Variants in CSPG4 observed in about 807,000 individuals in gnomAD.
CSPG4 encodes the protein chondroitin sulfate proteoglycan 4 (melanoma-associated).
CSPG4 carries 74 observed loss-of-function variants against 139.3 expected under a neutral mutation model. The ratio of observed to expected loss-of-function variants is 0.53; its 90% CI spans 0.44 to 0.64. The LOEUF (loss-of-function observed/expected upper bound fraction) is 0.64. CSPG4 is among the 30% of genes least tolerant of loss of function. The pLI, the probability that CSPG4 is intolerant of heterozygous loss-of-function variation, is 0.00. For synonymous variants in CSPG4, 1,234 were observed against 1,394.2 expected, an observed-to-expected ratio of 0.89 and a Z score of 2.56; for missense variants, 2,565 against 3,148.3, an observed-to-expected ratio of 0.81 and a Z score of 4.43.
chr15:75,702,795 G>T (rs1596013323), intron 1 of CSPG4, among the ~76,000 whole-genome samples: 2 of 152,254 alleles, frequency 1.3e-5, no homozygotes, highest in East Asian at 3.9e-4. Flanking sequence ...CCTATTTATA[G>T]CCGGAGGCCA....
chr15:75,677,437 G>A (rs1006788412), intron 9 of CSPG4, 53 bp from the exon 10 acceptor site: 19 of 1,397,330 alleles, frequency 1.4e-5, no homozygotes, highest in Admixed American at 3.4e-5. Flanking sequence ...GGAGAGTGAT[G>A]GACCCTCAGC....
chr15:75,677,873 T>C lies in CSPG4; in HGVS notation c.4964A>G (p.Asn1655Ser), dbSNP rs2141421479. Residue 1655 changes from asparagine (N) to serine (S), a missense_variant, in exon 9 of 10, where the codon AAT (asparagine) becomes AGT (serine). Asn to Ser is a conservative substitution (Grantham distance 46, BLOSUM62 1). Transcript: ENST00000308508. ...NFTQAEVYAG[N>S]ILYEHEMPPE... ...GGGCATCTCATGCTCATACAGAATA[T>C]TCCCAGCGTAGACCTAGGGGAGACA... 5 of 1,610,318 alleles carry C rather than the reference T, an allele frequency of 3.1e-6. No homozygotes were observed. Among genetic ancestry groups the C allele is most frequent in the South Asian group, 1.1e-5 (1 of 90,790 alleles).
Position 75,701,497 on chromosome 15 carries a change from T to G in CSPG4, c.89-8264A>C, listed in dbSNP as rs1259504133. On this transcript the variant is annotated intron_variant, in intron 1 of 9. Coordinates refer to ENST00000308508, the MANE Select transcript of CSPG4 (RefSeq NM_001897.5). ...CATCAGAGATCCCGAGACTGAGACC[T>G]CTCTTCCTGGGCAGGCCTGACTCCT... Among the ~76,000 whole-genome samples, 3 of 151,996 alleles carry G rather than the reference T, an allele frequency of 2.0e-5. No individual in the cohort carries two copies. In the South Asian group the frequency reaches 6.2e-4, roughly 32 times the overall value.
chr15:75,676,073 T>C lies in CSPG4; in HGVS notation c.6446A>G (p.Gln2149Arg), dbSNP rs1343550687. ...GGAGGCCACAGCAGGCGGGACGCCCTGTGCCCACAGCTCCAGAGTGAGACT... is the reference window on the plus strand; with the variant it reads ...GGAGGCCACAGCAGGCGGGACGCCCCGTGCCCACAGCTCCAGAGTGAGACT... ...GDSLTLELWA[Q>R]GVPPAVASLD... Residue 2149 changes from glutamine to arginine, a missense_variant, in exon 10 of 10, where the codon CAG (glutamine) becomes CGG (arginine). This residue lies in a region of CSPG4 where 2,316 missense variants were observed against 2,818.2 expected (regional missense o/e 0.82). Coordinates refer to ENST00000308508, the MANE Select transcript of CSPG4 (RefSeq NM_001897.5). The C allele has an allele frequency of 6.5e-7, 1 of 1,533,690 alleles. No individual in the cohort carries two copies. The highest frequency in any genetic ancestry group is 1.2e-5 in the South Asian group (1 of 84,312).
In CSPG4 at chr15:75,690,616, C is replaced by G. The variant is rs200774721; in HGVS notation, c.449G>C (p.Gly150Ala). 1.9e-6 allele frequency: 3 copies of G among 1,609,858 alleles called. No individual in the cohort carries two copies. The African/African-American group carries it at 4.0e-5, about 22-fold the overall frequency. The change falls in exon 3 of 10, where the codon GGC (glycine) becomes GCC (alanine). Residue 150 changes from glycine to alanine, a missense_variant. Physicochemically the swap from Gly to Ala is moderately conservative, Grantham distance 60. Around this residue, in one of 5 missense-constraint regions of CSPG4, gnomAD observed 132 missense variants for 132.3 expected, o/e 1.00. Coordinates refer to ENST00000308508, the MANE Select transcript of CSPG4 (RefSeq NM_001897.5). The part of the protein sequence containing the change: ...LEVPYGLFVG[G>A]TGTLGLPYLR... The stretch of plus-strand genomic sequence containing the variant: ...GTAGGGCAGGCCAAGGGTCCCAGTG[C>G]CCCCAACAAAGAGCCCATAGGGGAC...
In CSPG4 at chr15:75,676,940, TC is replaced by T; in HGVS notation, c.5578del (p.Asp1860ThrfsTer32). 1 of 1,537,532 alleles carries T rather than the reference TC, an allele frequency of 6.5e-7. No individual in the cohort carries two copies. Among genetic ancestry groups the T allele is most frequent in the Non-Finnish European group, 8.8e-7 (1 of 1,138,276 alleles). On this transcript the variant is annotated frameshift_variant, in exon 10 of 10. Coordinates refer to ENST00000308508, the MANE Select transcript of CSPG4 (RefSeq NM_001897.5). LOFTEE classifies it low-confidence loss of function (END_TRUNC). ...AATCTCCCCAGGAGCTGAGTCTGGG[TC>T]CACCACACTCAGCTGGGCCCGGGAG... is the stretch of plus-strand genomic sequence containing the variant. Reference protein sequence around the residue: ...PISRAQLSVVDPDSAPGEIEY... With the variant: ...PISRAQLSVVXPDSAPGEIEY...
In CSPG4 at chr15:75,675,714, C is replaced by G. The variant is rs771369858; in HGVS notation, c.6805G>C (p.Ala2269Pro). 1.3e-6 allele frequency: 2 copies of G among 1,585,476 alleles called. No homozygotes were observed. Among genetic ancestry groups the G allele is most frequent in the Non-Finnish European group, 1.7e-6 (2 of 1,162,690 alleles). ...TTGCGAAAGGTCTCGGTGTCACCAG[C>G]CAGGCCGTTGCGGGGCTTGGCAGTC... ...VLTAKPRNGLAGDTETFRKVE... is the reference protein window; with the variant it reads ...VLTAKPRNGLPGDTETFRKVE... The change falls in exon 10 of 10, where the codon GCT becomes CCT. Residue 2269 changes from alanine to proline, a missense_variant. Physicochemically the swap from Ala to Pro is conservative, Grantham distance 27. Coordinates refer to ENST00000308508, the MANE Select transcript of CSPG4 (RefSeq NM_001897.5).
At chr15:75,694,022 C>T (rs1407621332) in intron 1 of CSPG4, among the ~76,000 whole-genome samples, 5 of 152,248 alleles carry the variant, frequency 3.3e-5, no homozygotes, top group Non-Finnish European at 5.9e-5. Context: ...TCACAGTCCC[C>T]GATGAGCAGT....
intron 5 of CSPG4, 38 bp downstream of exon 5, chr15:75,684,698 C>T (rs776487966): frequency 2.0e-5 from 32 of 1,587,726 alleles, no homozygotes; most frequent in Non-Finnish European, 2.3e-5. Context: ...GCCTCTTTCT[C>T]GAAGCAGACA....
At position 75,677,818 on chromosome 15, in the gene CSPG4, G is replaced by T. The variant is rs149001988; in HGVS notation, c.5019C>A (p.Thr1673=). ...GCGGCGAGGACAGCTGGAGCTCTAG[G>T]GTATCATGGGCCTCCCAAAAGGGCT... ...PPEPFWEAHD[T]LELQLSSPPA... is the part of the protein sequence containing the mutation. Residue 1673 remains threonine (T), a synonymous_variant, in exon 9 of 10, where the codon ACC becomes ACA. Coordinates refer to ENST00000308508, the MANE Select transcript of CSPG4 (RefSeq NM_001897.5). 2.9e-5 allele frequency: 46 copies of T among 1,612,588 alleles called. No individual in the cohort carries two copies. The highest frequency in any genetic ancestry group is 3.7e-5 in the Non-Finnish European group (44 of 1,179,368).
At chr15:75,702,157 C>T (rs1027544710) in intron 1 of CSPG4, among the ~76,000 whole-genome samples, 3 of 152,224 alleles carry the variant, frequency 2.0e-5, no homozygotes, top group African/African-American at 7.2e-5. Flanking sequence ...CCCCCACCCC[C>T]GGGTGGCACT....
intron 3 of CSPG4, among the ~76,000 whole-genome samples, chr15:75,686,048 C>T (rs1001704208): frequency 5.3e-5 from 8 of 152,152 alleles, no homozygotes; most frequent in South Asian, 2.1e-4. Context: ...CCACCAGGCC[C>T]GGCTAATTTT....
Position 75,698,294 on chromosome 15 carries a change from G to A in CSPG4, c.89-5061C>T, listed in dbSNP as rs1453909543. On this transcript the variant is annotated intron_variant, in intron 1 of 9. Transcript: ENST00000308508. This position sits in a 1 kb window ranked among gnomAD's most constrained non-coding sequence, Gnocchi z 4.3. ...CCAAGGCCGGGATGAAGGGCTCTCT[G>A]TCTCCCCTCATAGGTGTGTATGTGG... is the stretch of plus-strand genomic sequence containing the variant. Among the ~76,000 whole-genome samples the A allele has an allele frequency of 6.6e-6, 1 of 150,534 alleles. No individual in the cohort carries two copies. The highest frequency in any genetic ancestry group is 2.0e-4 in the East Asian group (1 of 5,106).
At chr15:75,695,438 C>T (rs1894213293) in intron 1 of CSPG4, among the ~76,000 whole-genome samples, 1 of 152,164 alleles carries the variant, frequency 6.6e-6, no homozygotes, top group South Asian at 2.1e-4. Context: ...CTGCTGCTTC[C>T]TGTGGGGCTG....
At chr15:75,693,668 G>A (rs1360088714) in intron 1 of CSPG4, among the ~76,000 whole-genome samples, 3 of 152,238 alleles carry the variant, frequency 2.0e-5, no homozygotes, top group African/African-American at 7.2e-5. Flanking sequence ...GGAGTTTCTG[G>A]AGAATCACCC....
At chr15:75,697,431 G>C (rs1384395771) in intron 1 of CSPG4, among the ~76,000 whole-genome samples, 1 of 152,244 alleles carries the variant, frequency 6.6e-6, no homozygotes, top group African/African-American at 2.4e-5. Context: ...AGGGCACTCA[G>C]CTTCCACCTT....
chr15:75,682,264 G>C, intron 8 of CSPG4, 29 bp downstream of exon 8: 1 of 1,596,262 alleles, frequency 6.3e-7, no homozygotes. Context: ...GGGGGCATCT[G>C]AGTGGTGGCT....
At position 75,685,199 on chromosome 15, in the gene CSPG4, G is replaced by A. The variant is rs1566973136; in HGVS notation, c.4272+20C>T. 5 of 1,511,114 alleles carry A rather than the reference G, an allele frequency of 3.3e-6. No homozygotes were observed. The highest frequency in any genetic ancestry group is 4.4e-6 in the Non-Finnish European group (5 of 1,131,054). 93.6% of individuals were successfully genotyped at this position (1,511,114 alleles called of 1,614,324 possible). On this transcript the variant is annotated intron_variant, in intron 4 of 9. Transcript: ENST00000308508. The stretch of plus-strand genomic sequence containing the variant: ...CCCCAGAGCTGGGCTGCAGCCCCTG[G>A]GCCTCTCTCACAGCCATACCATTCT...
chr15:75,700,766 T>C lies in CSPG4; in HGVS notation c.89-7533A>G, dbSNP rs544296321. Among the ~76,000 whole-genome samples, 105 of 151,928 alleles carry C rather than the reference T, an allele frequency of 6.9e-4. 1 individual carries two copies. Among genetic ancestry groups the C allele is most frequent in the African/African-American group, 2.5e-3 (102 of 41,410 alleles). On this transcript the variant is annotated intron_variant, in intron 1 of 9. Coordinates refer to ENST00000308508, the MANE Select transcript of CSPG4 (RefSeq NM_001897.5). Reference sequence around the variant, plus strand: ...GGCTTCCCCAGCCTGGCGGGCTGGGTCTGGAGATAGTGAGTGTGTGAGTTG... The same window carrying C: ...GGCTTCCCCAGCCTGGCGGGCTGGGCCTGGAGATAGTGAGTGTGTGAGTTG...
Sources: gnomAD v4.1 joint callset for allele counts (sites outside exome capture counted in the v4.1 genomes callset) on GRCh38, gnomAD v4.1.1 for gene constraint, gnomAD v4.1.1 regional missense constraint, Gnocchi (gnomAD v3.1) non-coding constraint, MANE v1.5 for transcripts, NCBI Gene and HGNC (gene_info 2026-07-23, HGNC 2026-07-21) for gene names.